Variants in ACOT7 observed in about 807,000 individuals in gnomAD.
ACOT7 encodes the protein cytosolic acyl coenzyme A thioester hydrolase.
A neutral mutation model predicts 40.2 loss-of-function variants in ACOT7; 12 were observed. That is an observed-to-expected ratio of 0.30 (90% confidence interval 0.19 to 0.48). The LOEUF is 0.48. Among genes scored for constraint, ACOT7 ranks in the 20% least tolerant of loss-of-function variants. ACOT7 has a pLI of 0.99. For missense variants in ACOT7, 395 were observed against 530.8 expected (o/e 0.74, Z 2.51); for synonymous variants, 228 against 219.5 (o/e 1.04, Z -0.34).
intron 5 of ACOT7, among the ~76,000 whole-genome samples, chr1:6,325,825 G>C (rs961471502): frequency 7.2e-5 from 11 of 152,232 alleles, no homozygotes; most frequent in Admixed American, 6.5e-5. Context: ...GACTAAGCAA[G>C]GGAGGTGAGC....
chr1:6,274,408 G>A lies in ACOT7; in HGVS notation c.1014+6694C>T, dbSNP rs544095781. Among the ~76,000 whole-genome samples the A allele has an allele frequency of 6.6e-6, 1 of 152,318 alleles. No homozygotes were observed. The highest frequency in any genetic ancestry group is 2.4e-5 in the African/African-American group (1 of 41,584). The stretch of plus-strand genomic sequence containing the variant: ...GGCCTTTCAGCTGACTTAAGCCCTG[G>A]GGCCCATCCCGCCCCTCCAGCTGAA... On this transcript the variant is annotated intron_variant, in intron 8 of 8. Transcript: ENST00000361521. This position sits in a 1 kb window ranked among gnomAD's most constrained non-coding sequence, Gnocchi z 5.9.
rs576089104 is a variant in ACOT7 at position 6,350,205 on chromosome 1, C to T, written c.144-339G>A. Among the ~76,000 whole-genome samples the T allele has an allele frequency of 3.1e-4, 47 of 152,284 alleles. No homozygotes were observed. In the South Asian group the frequency reaches 9.5e-3, roughly 31 times the overall value. The stretch of plus-strand genomic sequence containing the variant: ...AGCCACAGGGCAGGGAGGTGGTGAT[C>T]AGCCCTTGGGGTTCCCAGTGACCAA... On this transcript the variant is annotated intron_variant, in intron 1 of 8. Transcript: ENST00000361521.
intron 1 of ACOT7, among the ~76,000 whole-genome samples, chr1:6,376,895 G>A (rs1642243262): frequency 6.6e-6 from 1 of 152,144 alleles, no homozygotes; most frequent in African/African-American, 2.4e-5. Flanking sequence ...TAATAATAAG[G>A]TGGGAGGGTG....
At chr1:6,339,364 T>A in intron 3 of ACOT7, 69 bp downstream of exon 3, 1 of 1,605,588 alleles carries the variant, frequency 6.2e-7, no homozygotes, top group South Asian at 1.1e-5. Flanking sequence ...TCCTCTGCCC[T>A]CAGGAGGGAA....
Position 6,359,274 on chromosome 1 carries a change from T to C in ACOT7, c.144-9408A>G. On this transcript the variant is annotated intron_variant, in intron 1 of 8. Coordinates refer to ENST00000361521, the MANE Select transcript of ACOT7 (RefSeq NM_007274.4). This position sits in a 1 kb window ranked among gnomAD's most constrained non-coding sequence, Gnocchi z 4.1. ...TGGCCCCACTGCCGCCTTCTAGAGC[T>C]CCCTGAAATGTAGACAGGGGAGGAA... The C allele has an allele frequency of 6.1e-6, 1 of 163,390 alleles. No individual in the cohort carries two copies. Among genetic ancestry groups the C allele is most frequent in the Non-Finnish European group, 1.3e-5 (1 of 75,142 alleles). The allele number at this position is 163,390 out of a possible 1,614,324, so 10.1% of individuals were successfully genotyped here.
chr1:6,281,785 T>C (rs1365981609), intron 7 of ACOT7, among the ~76,000 whole-genome samples: 28 of 152,160 alleles, frequency 1.8e-4, no homozygotes, highest in Non-Finnish European at 1.0e-4. Context: ...GAACCTTGTA[T>C]CACCTTCCAC....
intron 6 of ACOT7, among the ~76,000 whole-genome samples, chr1:6,297,544 C>A (rs1036595099): frequency 6.6e-6 from 1 of 152,218 alleles, no homozygotes; most frequent in African/African-American, 2.4e-5. Flanking sequence ...TCCTACCTAG[C>A]GCCCCCCATG....
At chr1:6,302,276 C>G (rs1639994086) in intron 6 of ACOT7, among the ~76,000 whole-genome samples, 1 of 152,080 alleles carries the variant, frequency 6.6e-6, no homozygotes, top group Non-Finnish European at 1.5e-5. Flanking sequence ...GGATCTTTGT[C>G]CACTTCAGGT....
chr1:6,375,443 G>T (rs529729702), intron 1 of ACOT7, among the ~76,000 whole-genome samples: 1 of 152,040 alleles, frequency 6.6e-6, no homozygotes, highest in Admixed American at 6.6e-5. Flanking sequence ...AGACGCGGGC[G>T]GATCACTTGA....
chr1:6,375,548 A>G (rs1417538011), intron 1 of ACOT7, among the ~76,000 whole-genome samples: 1 of 151,970 alleles, frequency 6.6e-6, no homozygotes, highest in Non-Finnish European at 1.5e-5. Flanking sequence ...CTTGGAGATT[A>G]ATTCCAGCCC....
Position 6,306,127 on chromosome 1 carries a change from A to C in ACOT7, c.713-11147T>G. Reference sequence around the variant, plus strand: ...TCAGGCAGGGAGGTTGCAGTGAGCCAAGATGGCAGCAGCACAGTCCAGCTT... The same window carrying C: ...TCAGGCAGGGAGGTTGCAGTGAGCCCAGATGGCAGCAGCACAGTCCAGCTT... On this transcript the variant is annotated intron_variant, in intron 6 of 8. Coordinates refer to ENST00000361521, the MANE Select transcript of ACOT7 (RefSeq NM_007274.4). This position sits in a 1 kb window ranked among gnomAD's most constrained non-coding sequence, Gnocchi z 4.3. The C allele has an allele frequency of 3.3e-6, 2 of 610,990 alleles. No individual in the cohort carries two copies. The highest frequency in any genetic ancestry group is 4.1e-6 in the Non-Finnish European group (2 of 490,892). The allele number at this position is 610,990 out of a possible 1,614,324, so 37.8% of individuals were successfully genotyped here. A position where few individuals can be genotyped will look rare whatever the true frequency, so the allele number is the denominator to read the frequency against.
At chr1:6,393,169 G>T (rs1571362004) in intron 1 of ACOT7, 88 bp downstream of exon 1, 2 of 1,188,434 alleles carry the variant, frequency 1.7e-6, no homozygotes, top group Non-Finnish European at 2.1e-6. Flanking sequence ...GGCCTCGGCG[G>T]GTGGGGACCA....
Position 6,279,895 on chromosome 1 carries a change from G to A in ACOT7, c.1014+1207C>T, listed in dbSNP as rs565452641. Among the ~76,000 whole-genome samples, 13 of 152,296 alleles carry A rather than the reference G, an allele frequency of 8.5e-5. No individual in the cohort carries two copies. The East Asian group carries it at 1.7e-3, about 20-fold the overall frequency. ...GGAAACAAAGCAGCTGGGGCGACTCGGCGGCCCTCCTCAGCCATGTGGGGA... is the reference window on the plus strand; with the variant it reads ...GGAAACAAAGCAGCTGGGGCGACTCAGCGGCCCTCCTCAGCCATGTGGGGA... On this transcript the variant is annotated intron_variant, in intron 8 of 8. Transcript: ENST00000361521.
intron 3 of ACOT7, among the ~76,000 whole-genome samples, chr1:6,336,381 C>A (rs1157368341): frequency 6.6e-6 from 1 of 150,454 alleles, no homozygotes; most frequent in East Asian, 1.9e-4. Flanking sequence ...TTAAGAGCTC[C>A]CAGCTATTTT....
At chr1:6,366,924 C>T (rs997834924) in intron 1 of ACOT7, among the ~76,000 whole-genome samples, 3 of 151,708 alleles carry the variant, frequency 2.0e-5, no homozygotes, top group East Asian at 1.9e-4. Flanking sequence ...TCAGGCCGGG[C>T]GCGGTGGCTC....
chr1:6,271,229 T>C (rs182250391), intron 8 of ACOT7, among the ~76,000 whole-genome samples: 3 of 152,336 alleles, frequency 2.0e-5, no homozygotes, highest in African/African-American at 7.2e-5. Context: ...GAACATGGTA[T>C]GGAGGACGAG....
rs1224292185 is a variant in ACOT7 at position 6,306,177 on chromosome 1, T to G, written c.713-11197A>C. ...TCGGCTCGGCATCAGAGGGAGACCGTGGCAAGAGAGGGAGAGGGAGACCGT... is the reference window on the plus strand; with the variant it reads ...TCGGCTCGGCATCAGAGGGAGACCGGGGCAAGAGAGGGAGAGGGAGACCGT... On this transcript the variant is annotated intron_variant, in intron 6 of 8. Coordinates refer to ENST00000361521, the MANE Select transcript of ACOT7 (RefSeq NM_007274.4). This position sits in a 1 kb window ranked among gnomAD's most constrained non-coding sequence, Gnocchi z 4.3. The G allele has an allele frequency of 5.8e-6, 5 of 860,848 alleles. No individual in the cohort carries two copies. The Admixed American group carries it at 3.1e-4, about 53-fold the overall frequency. 53.3% of individuals were successfully genotyped at this position (860,848 alleles called of 1,614,324 possible).
chr1:6,362,257 T>C (rs1641908405), intron 1 of ACOT7, among the ~76,000 whole-genome samples: 1 of 151,754 alleles, frequency 6.6e-6, no homozygotes, highest in Admixed American at 6.6e-5. Context: ...ATGGCAAAAC[T>C]CTGTCTCTAC....
At position 6,295,093 on chromosome 1, in the gene ACOT7, G is replaced by T; in HGVS notation, c.713-113C>A. ...CCCCTCCCACTAGCCACCAGCAAGG[G>T]CCGCAGCCAGCAGGGGTGCAGGGTG... is the stretch of plus-strand genomic sequence containing the variant. On this transcript the variant is annotated intron_variant, in intron 6 of 8. Transcript: ENST00000361521. 10 of 757,702 alleles carry T rather than the reference G, an allele frequency of 1.3e-5. No homozygotes were observed. The South Asian group carries it at 1.7e-4, about 13-fold the overall frequency. The allele number at this position is 757,702 out of a possible 1,614,324, so 46.9% of individuals were successfully genotyped here.
Sources: allele counts gnomAD v4.1 joint callset (sites outside exome capture counted in the v4.1 genomes callset), GRCh38; gene constraint gnomAD v4.1.1; non-coding constraint Gnocchi (gnomAD v3.1); transcripts MANE v1.5; gene names NCBI Gene and HGNC (gene_info 2026-07-23, HGNC 2026-07-21).